SOX5: variants seen among roughly 807,000 people sequenced by gnomAD.
The protein encoded by SOX5 is transcription factor SOX-5.
SOX5 carries 9 observed loss-of-function variants against 92.0 expected under a neutral mutation model. The ratio of observed to expected loss-of-function variants is 0.10; its 90% CI spans 0.06 to 0.17. The LOEUF (loss-of-function observed/expected upper bound fraction) is 0.17. Among genes scored for constraint, SOX5 ranks in the 10% least tolerant of loss-of-function variants. SOX5 has a pLI of 1.00. For missense variants in SOX5, 642 were observed against 944.5 expected (o/e 0.68, Z 4.20); for synonymous variants, 344 against 336.3 (o/e 1.02, Z -0.25).
At chr12:24,547,469 G>T (rs1818271677) in intron 1 of SOX5, among the ~76,000 whole-genome samples, 1 of 152,134 alleles carries the variant, frequency 6.6e-6, no homozygotes, top group Non-Finnish European at 1.5e-5. Flanking sequence ...GGGATTACAG[G>T]CGTGAGCCAC....
At chr12:23,734,307 A>G (rs1435879549) in intron 6 of SOX5, among the ~76,000 whole-genome samples, 1 of 152,138 alleles carries the variant, frequency 6.6e-6, no homozygotes, top group Non-Finnish European at 1.5e-5. Context: ...AAAAAGTTCT[A>G]TCTGGTACTA....
chr12:23,781,921 A>G (rs2095288449), intron 3 of SOX5, among the ~76,000 whole-genome samples: 1 of 152,152 alleles, frequency 6.6e-6, no homozygotes, highest in South Asian at 2.1e-4. Context: ...AACTAACAGA[A>G]TATAATAACT....
At chr12:23,989,369 G>A (rs1326978179) in intron 4 of SOX5, among the ~76,000 whole-genome samples, 1 of 151,794 alleles carries the variant, frequency 6.6e-6, no homozygotes, top group Non-Finnish European at 1.5e-5. Flanking sequence ...AGTAACCTGG[G>A]TGACAAGAGT....
chr12:24,327,594 AT>A (rs1223477069), intron 2 of SOX5, among the ~76,000 whole-genome samples: 3 of 148,668 alleles, frequency 2.0e-5, no homozygotes, highest in South Asian at 2.1e-4. Flanking sequence ...TTTTATTTTT[AT>A]TTTTTTTAGA....
At chr12:23,878,101 G>A (rs2096948597) in intron 2 of SOX5, among the ~76,000 whole-genome samples, 1 of 151,894 alleles carries the variant, frequency 6.6e-6, no homozygotes, top group Non-Finnish European at 1.5e-5. Flanking sequence ...TTTCACATGA[G>A]TTTTGGCATA....
intron 4 of SOX5, among the ~76,000 whole-genome samples, chr12:24,140,464 A>C (rs911242773): frequency 2.0e-5 from 3 of 152,034 alleles, no homozygotes; most frequent in Admixed American, 6.5e-5. Flanking sequence ...TTATAAGTAA[A>C]GACTATGGTC....
chr12:23,653,338 A>G (rs1486737345), intron 7 of SOX5, among the ~76,000 whole-genome samples: 1 of 151,692 alleles, frequency 6.6e-6, no homozygotes, highest in Non-Finnish European at 1.5e-5. Flanking sequence ...CTTCAGCCCA[A>G]TCACTTCTTC....
chr12:23,717,852 T>C (rs1341443578), intron 6 of SOX5, among the ~76,000 whole-genome samples: 3 of 152,226 alleles, frequency 2.0e-5, no homozygotes, highest in Admixed American at 6.5e-5. Context: ...TTTATAACTA[T>C]ATTCCAGCTA....
intron 4 of SOX5, among the ~76,000 whole-genome samples, chr12:24,188,854 G>A (rs7978919): frequency 2.0e-5 from 3 of 152,142 alleles, no homozygotes; most frequent in Non-Finnish European, 2.9e-5. Context: ...GAAATGTAAC[G>A]AAAATGCTCC....
intron 3 of SOX5, among the ~76,000 whole-genome samples, chr12:24,259,434 C>G (rs1054535690): frequency 6.6e-6 from 1 of 152,092 alleles, no homozygotes. Context: ...TTATTGCATA[C>G]GTAGACTGTG....
chr12:23,658,907 TA>T (rs1326378051), intron 7 of SOX5, among the ~76,000 whole-genome samples: 2 of 151,924 alleles, frequency 1.3e-5, no homozygotes, highest in Non-Finnish European at 2.9e-5. Context: ...AAATAAAAAA[TA>T]AAAACAAACA....
At chr12:23,787,616 A>G (rs1465647753) in intron 3 of SOX5, among the ~76,000 whole-genome samples, 1 of 152,004 alleles carries the variant, frequency 6.6e-6, no homozygotes, top group Non-Finnish European at 1.5e-5. Context: ...TTGCTAACAT[A>G]GAAATTTAAA....
intron 4 of SOX5, among the ~76,000 whole-genome samples, chr12:24,076,250 G>A (rs1942577157): frequency 6.6e-6 from 1 of 152,036 alleles, no homozygotes; most frequent in Non-Finnish European, 1.5e-5. Flanking sequence ...TCTGGAGACG[G>A]ACCTTGTAAA....
chr12:24,447,028 T>G (rs1330693356), intron 1 of SOX5, among the ~76,000 whole-genome samples: 1 of 152,162 alleles, frequency 6.6e-6, no homozygotes, highest in Non-Finnish European at 1.5e-5. Context: ...TAGAAATTAG[T>G]GATTGAATTG....
chr12:23,653,175 T>A (rs951951200), intron 7 of SOX5, among the ~76,000 whole-genome samples: 3 of 152,066 alleles, frequency 2.0e-5, no homozygotes, highest in African/African-American at 7.2e-5. Flanking sequence ...TGAATTGGTC[T>A]CATGTCCTCA....
intron 1 of SOX5, among the ~76,000 whole-genome samples, chr12:24,445,660 A>G (rs1941358679): frequency 6.6e-6 from 1 of 152,236 alleles, no homozygotes; most frequent in African/African-American, 2.4e-5. Context: ...AATGTGTAAC[A>G]GTCATATTCA....
intron 4 of SOX5, among the ~76,000 whole-genome samples, chr12:23,994,236 A>G (rs2136292601): frequency 6.6e-6 from 1 of 152,258 alleles, no homozygotes; most frequent in Non-Finnish European, 1.5e-5. Flanking sequence ...ATACTAAAAT[A>G]AGTATGATAG....
exon 1 of SOX5, chr12:24,562,465 TGTGTGTGC>T (rs567893333): frequency 6.6e-6 from 1 of 152,034 alleles, no homozygotes; most frequent in Non-Finnish European, 1.5e-5. Flanking sequence ...TGTGTGTCTG[TGTGTGTGC>T]GTGTGTGCCG....
At chr12:23,926,920 T>C (rs1028880259) in intron 1 of SOX5, among the ~76,000 whole-genome samples, 2 of 151,988 alleles carry the variant, frequency 1.3e-5, no homozygotes, top group Non-Finnish European at 2.9e-5. Flanking sequence ...TCCATCTGCA[T>C]TGGGTAATAG....
Sources: gnomAD v4.1 joint callset for allele counts (sites outside exome capture counted in the v4.1 genomes callset) on GRCh38, gnomAD v4.1.1 for gene constraint, MANE v1.5 for transcripts, NCBI Gene and HGNC (gene_info 2026-07-23, HGNC 2026-07-21) for gene names.